The following KCNIP1 variants were observed in gnomAD, a reference collection of about 807,000 sequenced individuals.
KCNIP1 encodes potassium voltage-gated channel interacting protein 1, also known as A-type potassium channel modulatory protein KCNIP1.
KCNIP1 carries 18 observed loss-of-function variants against 33.0 expected under a neutral mutation model. The observed-to-expected ratio is 0.55, with a 90% CI of 0.38 to 0.81. KCNIP1 has a LOEUF of 0.81. KCNIP1 is among the 30% of genes least tolerant of loss of function. The pLI, the probability that KCNIP1 is intolerant of heterozygous loss-of-function variation, is 0.00. For missense variants in KCNIP1, 238 were observed against 271.6 expected (o/e 0.88, Z 0.87); for synonymous variants, 93 against 98.3 (o/e 0.95, Z 0.32).
At chr5:170,724,572 T>A (rs898491560) in intron 5 of KCNIP1, among the ~76,000 whole-genome samples, 1 of 152,196 alleles carries the variant, frequency 6.6e-6, no homozygotes, top group African/African-American at 2.4e-5. Context: ...GTACATGGTA[T>A]AATTGTATTA....
intron 1 of KCNIP1, among the ~76,000 whole-genome samples, chr5:170,652,017 G>C (rs1327024215): frequency 6.6e-6 from 1 of 152,188 alleles, no homozygotes; most frequent in Non-Finnish European, 1.5e-5. Flanking sequence ...CCACCAGGAA[G>C]TTACTCGGCA....
intron 1 of KCNIP1, among the ~76,000 whole-genome samples, chr5:170,434,439 C>T (rs796685122): frequency 3.9e-5 from 6 of 152,116 alleles, no homozygotes; most frequent in East Asian, 1.9e-4. Flanking sequence ...AGCCCCCAAT[C>T]GGGTGGCATC....
intron 1 of KCNIP1, among the ~76,000 whole-genome samples, chr5:170,560,412 A>G (rs1286091289): frequency 6.6e-6 from 1 of 152,104 alleles, no homozygotes; most frequent in Non-Finnish European, 1.5e-5. Context: ...GCCCCAGAAA[A>G]TATAAGATCT....
chr5:170,667,780 G>A (rs888044233), intron 1 of KCNIP1, among the ~76,000 whole-genome samples: 1 of 152,210 alleles, frequency 6.6e-6, no homozygotes, highest in African/African-American at 2.4e-5. Context: ...ACAAATGGAA[G>A]AACTTTACAC....
chr5:170,654,471 G>A (rs957605872), intron 1 of KCNIP1, among the ~76,000 whole-genome samples: 4 of 151,988 alleles, frequency 2.6e-5, no homozygotes, highest in African/African-American at 9.7e-5. Flanking sequence ...ATTTTAAAAC[G>A]GGGGGCATCG....
chr5:170,385,246 G>A, intron 1 of KCNIP1: 1 of 1,567,528 alleles, frequency 6.4e-7, no homozygotes, highest in Non-Finnish European at 8.8e-7. Flanking sequence ...TAGAAGGCCA[G>A]GGTTCCTTAC....
chr5:170,600,773 C>T (rs1052106280), intron 1 of KCNIP1, among the ~76,000 whole-genome samples: 3 of 152,232 alleles, frequency 2.0e-5, no homozygotes, highest in Non-Finnish European at 4.4e-5. Context: ...GGATTCAGAT[C>T]TCCACTCAGC....
At chr5:170,439,489 C>T (rs559210665) in intron 1 of KCNIP1, among the ~76,000 whole-genome samples, 120 of 149,574 alleles carry the variant, frequency 8.0e-4, no homozygotes, top group Admixed American at 2.7e-3. Context: ...GGGACGGGGG[C>T]GGGGGGGTGC....
chr5:170,503,050 G>C (rs1485390908), upstream of KCNIP1, among the ~76,000 whole-genome samples: 1 of 152,066 alleles, frequency 6.6e-6, no homozygotes, highest in Admixed American at 6.5e-5. Flanking sequence ...GAATTATTGA[G>C]CTGGAAAGGG....
chr5:170,454,236 A>G (rs1346087692), intron 1 of KCNIP1, among the ~76,000 whole-genome samples: 1 of 152,226 alleles, frequency 6.6e-6, no homozygotes. Context: ...AAATTTCTTT[A>G]AAATCCTCAA....
At chr5:170,534,237 A>G (rs896325862) in intron 1 of KCNIP1, among the ~76,000 whole-genome samples, 2 of 152,176 alleles carry the variant, frequency 1.3e-5, no homozygotes, top group African/African-American at 4.8e-5. Flanking sequence ...TTAGAGGTTC[A>G]TTGGTGGCTC....
chr5:170,705,436 G>A (rs780010100), intron 1 of KCNIP1, among the ~76,000 whole-genome samples: 1 of 152,194 alleles, frequency 6.6e-6, no homozygotes, highest in Non-Finnish European at 1.5e-5. Flanking sequence ...CCGTAACAGT[G>A]CTCATGGACT....
chr5:170,718,768 A>G lies in KCNIP1; in HGVS notation c.72A>G (p.Glu24=). 2 of 1,613,646 alleles carry G rather than the reference A, an allele frequency of 1.2e-6. No individual in the cohort carries two copies. Among genetic ancestry groups the G allele is most frequent in the Non-Finnish European group, 1.7e-6 (2 of 1,179,814 alleles). Residue 24 remains glutamate (E), a synonymous_variant, in exon 2 of 8, where the codon GAA becomes GAG. Coordinates refer to ENST00000328939, the MANE Select transcript of KCNIP1 (RefSeq NM_014592.4). ...CTCCTCTGGTTCCAGATAAGATTGA[A>G]GATGAGCTGGAGATGACCATGGTTT... The part of the protein sequence containing the change: ...KQRRPSKDKI[E]DELEMTMVCH...
chr5:170,608,029 C>G lies in KCNIP1; in HGVS notation c.61+103396C>G, dbSNP rs547886166. Reference sequence around the variant, plus strand: ...AATAGACATTTATTCTCTCACTGCCCTGAAGGCTAGAAGGTCCAGATCAAG... The same window carrying G: ...AATAGACATTTATTCTCTCACTGCCGTGAAGGCTAGAAGGTCCAGATCAAG... On this transcript the variant is annotated intron_variant, in intron 1 of 7. Transcript: ENST00000328939. 3.3e-5 allele frequency among the ~76,000 whole-genome samples: 5 copies of G among 152,306 alleles called. No individual in the cohort carries two copies. The East Asian group carries it at 9.6e-4, about 29-fold the overall frequency.
chr5:170,677,886 T>C (rs958346234), intron 1 of KCNIP1, among the ~76,000 whole-genome samples: 3 of 152,168 alleles, frequency 2.0e-5, no homozygotes, highest in African/African-American at 7.2e-5. Context: ...AATGTGAAGA[T>C]TCTTGGCCAA....
chr5:170,588,786 G>C (rs1042620888), intron 1 of KCNIP1, among the ~76,000 whole-genome samples: 2 of 152,134 alleles, frequency 1.3e-5, no homozygotes, highest in African/African-American at 4.8e-5. Context: ...AGGTCAGTGA[G>C]GGGGGAAAAG....
At chr5:170,707,240 G>A (rs1287528862) in intron 1 of KCNIP1, among the ~76,000 whole-genome samples, 1 of 151,582 alleles carries the variant, frequency 6.6e-6, no homozygotes, top group Non-Finnish European at 1.5e-5. Context: ...AGAGATCTGT[G>A]CCTGAAGCTG....
At chr5:170,554,302 C>T (rs1343180501) in intron 1 of KCNIP1, among the ~76,000 whole-genome samples, 4 of 152,164 alleles carry the variant, frequency 2.6e-5, no homozygotes, top group Non-Finnish European at 4.4e-5. Context: ...GAGAAGCTCC[C>T]TGGAGCCTCC....
intron 1 of KCNIP1, among the ~76,000 whole-genome samples, chr5:170,468,842 C>A (rs10043484): frequency 0.23 from 34,180 of 151,828 alleles, 4,280 homozygotes; most frequent in African/African-American, 0.33. Context: ...GCGCCCCTAC[C>A]CTCCAGCCTG....
Sources: allele counts gnomAD v4.1 joint callset (sites outside exome capture counted in the v4.1 genomes callset), GRCh38; gene constraint gnomAD v4.1.1; transcripts MANE v1.5; gene names NCBI Gene and HGNC (gene_info 2026-07-23, HGNC 2026-07-21).